Variants in METTL15 observed in about 807,000 individuals in gnomAD.
METTL15 encodes 12S rRNA N(4)-cytidine methyltransferase METTL15.
METTL15 carries 34 observed loss-of-function variants against 38.3 expected under a neutral mutation model. The observed-to-expected ratio is 0.89, with a 90% CI of 0.68 to 1.18. The LOEUF (loss-of-function observed/expected upper bound fraction) is 1.18, where lower values mean the gene tolerates loss of function less well. Among genes scored for constraint, METTL15 ranks in the 50% most tolerant of loss-of-function variants. METTL15 has a pLI of 0.00. For synonymous variants in METTL15, 162 were observed against 170.9 expected, an observed-to-expected ratio of 0.95 and a Z score of 0.41; for missense variants, 438 against 498.4, an observed-to-expected ratio of 0.88 and a Z score of 1.15.
intron 5 of METTL15, among the ~76,000 whole-genome samples, chr11:28,390,189 T>C (rs1174787799): frequency 6.6e-6 from 1 of 152,010 alleles, no homozygotes; most frequent in Admixed American, 6.6e-5. Context: ...GCCTGTTCAC[T>C]CTGATGGTAG....
intron 6 of METTL15, among the ~76,000 whole-genome samples, chr11:28,503,273 C>T (rs151174741): frequency 4.6e-5 from 7 of 152,258 alleles, no homozygotes; most frequent in South Asian, 2.1e-4. Context: ...TGTAAAAGTA[C>T]GATCCTTCCC....
At chr11:28,322,034 CAA>C (rs1849489664) in intron 6 of METTL15, among the ~76,000 whole-genome samples, 2 of 151,648 alleles carry the variant, frequency 1.3e-5, no homozygotes, top group Admixed American at 6.6e-5. Flanking sequence ...TACTAAAAAA[CAA>C]ATTTTGTGTG....
chr11:28,289,415 T>A (rs1590270020), intron 4 of METTL15, among the ~76,000 whole-genome samples: 1 of 152,140 alleles, frequency 6.6e-6, no homozygotes, highest in Non-Finnish European at 1.5e-5. Flanking sequence ...AAATCCAAAC[T>A]CACTCTACCC....
downstream of METTL15, among the ~76,000 whole-genome samples, chr11:28,528,922 A>G (rs1173075366): frequency 6.6e-6 from 1 of 152,188 alleles, no homozygotes; most frequent in Non-Finnish European, 1.5e-5. Flanking sequence ...ATGGCCCTGT[A>G]GAGAAACAAA....
At chr11:28,237,301 C>A (rs1472250205) in intron 4 of METTL15, among the ~76,000 whole-genome samples, 1 of 152,084 alleles carries the variant, frequency 6.6e-6, no homozygotes, top group Non-Finnish European at 1.5e-5. Flanking sequence ...TTGTTTGTTT[C>A]TTTTTATTCT....
intron 5 of METTL15, among the ~76,000 whole-genome samples, chr11:28,370,954 C>A (rs926548144): frequency 6.6e-6 from 1 of 151,938 alleles, no homozygotes; most frequent in Admixed American, 6.6e-5. Flanking sequence ...GGTTATTAAT[C>A]CTTTGTCAAT....
At chr11:28,383,267 T>A (rs1850407621) in intron 5 of METTL15, among the ~76,000 whole-genome samples, 1 of 152,174 alleles carries the variant, frequency 6.6e-6, no homozygotes, top group Non-Finnish European at 1.5e-5. Context: ...AGCCTTCAGC[T>A]CCATCCATGT....
chr11:28,297,135 C>A (rs569386451), intron 6 of METTL15, among the ~76,000 whole-genome samples: 1 of 151,804 alleles, frequency 6.6e-6, no homozygotes, highest in East Asian at 1.9e-4. Context: ...GCATGCTTCT[C>A]CCCCAAAAAA....
chr11:28,146,745 A>T lies in METTL15; in HGVS notation c.270+33141A>T, dbSNP rs114762334. Among the ~76,000 whole-genome samples the T allele has an allele frequency of 4.2e-3, 644 of 152,038 alleles. 7 individuals carry two copies. The highest frequency in any genetic ancestry group is 0.015 in the African/African-American group (621 of 41,556). ...TAAGTAATAGCATATTGATTTGTTC[A>T]ATAATAGCCCACTATCCAATTAGAT... is the stretch of plus-strand genomic sequence containing the variant. On this transcript the variant is annotated intron_variant, in intron 3 of 6. Coordinates refer to ENST00000407364, the MANE Select transcript of METTL15 (RefSeq NM_001113528.2).
intron 4 of METTL15, among the ~76,000 whole-genome samples, chr11:28,230,957 G>A (rs1183562397): frequency 2.0e-5 from 3 of 151,878 alleles, no homozygotes; most frequent in Non-Finnish European, 1.5e-5. Flanking sequence ...TTGTCTAATA[G>A]ATAGACAAGT....
chr11:28,214,607 G>A (rs1385420829), intron 4 of METTL15, among the ~76,000 whole-genome samples: 1 of 152,108 alleles, frequency 6.6e-6, no homozygotes. Flanking sequence ...CTACTTAAAT[G>A]TAAAATATTC....
intron 6 of METTL15, among the ~76,000 whole-genome samples, chr11:28,298,671 T>C (rs1856818530): frequency 6.6e-6 from 1 of 152,066 alleles, no homozygotes; most frequent in South Asian, 2.1e-4. Flanking sequence ...ATTAGAGCTA[T>C]GAGAAATGAT....
chr11:28,370,650 G>T (rs1371551546), intron 5 of METTL15, among the ~76,000 whole-genome samples: 3 of 151,932 alleles, frequency 2.0e-5, no homozygotes, highest in Non-Finnish European at 4.4e-5. Flanking sequence ...CATAGTGACT[G>T]TGTTAATTTA....
intron 5 of METTL15, among the ~76,000 whole-genome samples, chr11:28,389,105 A>T (rs1217471838): frequency 6.6e-6 from 1 of 151,992 alleles, no homozygotes; most frequent in African/African-American, 2.4e-5. Flanking sequence ...GGTTGGTTCC[A>T]AGTCTTTGCT....
At chr11:28,194,822 T>C (rs1470706755) in intron 3 of METTL15, among the ~76,000 whole-genome samples, 2 of 151,636 alleles carry the variant, frequency 1.3e-5, no homozygotes, top group Non-Finnish European at 2.9e-5. Flanking sequence ...TGTGCCCCAA[T>C]AGGTTTTTTT....
chr11:28,438,622 C>A (rs1016486357), intron 6 of METTL15, among the ~76,000 whole-genome samples: 1 of 150,002 alleles, frequency 6.7e-6, no homozygotes, highest in Non-Finnish European at 1.5e-5. Context: ...TCCCAAGATT[C>A]TGATATTGGC....
downstream of METTL15, among the ~76,000 whole-genome samples, chr11:28,338,199 C>T (rs375976558): frequency 2.0e-4 from 31 of 152,100 alleles, no homozygotes; most frequent in African/African-American, 5.8e-4. Context: ...AAAAGGGCCC[C>T]ATGCTAAAAG....
At chr11:28,516,440 AAACTAGCCTC>A (rs370393024) in intron 6 of METTL15, among the ~76,000 whole-genome samples, 16 of 152,192 alleles carry the variant, frequency 1.1e-4, no homozygotes, top group African/African-American at 3.9e-4. Context: ...GTCAGCAATA[AAACTAGCCTC>A]AGCTGATGAG....
At chr11:28,181,831 A>G (rs1175449297) in intron 3 of METTL15, among the ~76,000 whole-genome samples, 2 of 152,142 alleles carry the variant, frequency 1.3e-5, no homozygotes, top group African/African-American at 2.4e-5. Context: ...AGGAATCATC[A>G]TACTGTCTTC....
Sources: allele counts gnomAD v4.1 joint callset (sites outside exome capture counted in the v4.1 genomes callset), GRCh38; gene constraint gnomAD v4.1.1; transcripts MANE v1.5; gene names NCBI Gene and HGNC (gene_info 2026-07-23, HGNC 2026-07-21).